ENTPD4: variants seen among roughly 807,000 people sequenced by gnomAD.
ENTPD4 encodes Golgi UDPase.
In ENTPD4, 60 loss-of-function variants were observed where a neutral mutation model predicts 79.1. The observed-to-expected ratio is 0.76, with a 90% CI of 0.62 to 0.94. The LOEUF is 0.94. ENTPD4 is among the 40% of genes least tolerant of loss of function. The pLI is 0.00. For synonymous variants in ENTPD4, 276 were observed against 292.0 expected (o/e 0.95, Z 0.56); for missense variants, 772 against 775.1 (o/e 1.00, Z 0.05).
intron 8 of ENTPD4, among the ~76,000 whole-genome samples, chr8:23,440,306 A>G (rs1053493977): frequency 6.6e-6 from 1 of 152,228 alleles, no homozygotes; most frequent in Non-Finnish European, 1.5e-5. Context: ...AGGGAAGGTT[A>G]GTTACAGTAA....
chr8:23,451,257 T>A (rs1452877549), intron 1 of ENTPD4, among the ~76,000 whole-genome samples: 2 of 152,086 alleles, frequency 1.3e-5, no homozygotes, highest in Non-Finnish European at 2.9e-5. Context: ...CCTGACCCGG[T>A]GATCTGCCGG....
rs916145931 is a variant in ENTPD4 at position 23,430,088 on chromosome 8, G to T, written c.*2838C>A. Reference sequence around the variant, plus strand: ...ACAGAATTTACTGCCTTCTTGGTCAGCTCTTGGTATGAATTCTTCTCTTGA... The same window carrying T: ...ACAGAATTTACTGCCTTCTTGGTCATCTCTTGGTATGAATTCTTCTCTTGA... On this transcript the variant is annotated 3_prime_UTR_variant, in exon 13 of 13. Coordinates refer to ENST00000358689, the MANE Select transcript of ENTPD4 (RefSeq NM_004901.5). 3 of 985,322 alleles carry T rather than the reference G, an allele frequency of 3.0e-6. No individual in the cohort carries two copies. In the African/African-American group the frequency reaches 5.2e-5, roughly 17 times the overall value. 61.0% of individuals were successfully genotyped at this position (985,322 alleles called of 1,614,324 possible).
At chr8:23,451,088 A>C (rs1800852878) in intron 1 of ENTPD4, among the ~76,000 whole-genome samples, 1 of 150,440 alleles carries the variant, frequency 6.6e-6, no homozygotes, top group Non-Finnish European at 1.5e-5. Context: ...GCAATGGCAC[A>C]ATCTCAGCTC....
rs1036423131 is a variant in ENTPD4 at position 23,431,060 on chromosome 8, T to C, written c.*1866A>G. 1.2e-5 allele frequency: 10 copies of C among 832,822 alleles called. No homozygotes were observed. The highest frequency in any genetic ancestry group is 1.4e-5 in the Non-Finnish European group (10 of 690,946). The allele number at this position is 832,822 out of a possible 1,614,324, so 51.6% of individuals were successfully genotyped here. On this transcript the variant is annotated 3_prime_UTR_variant, in exon 13 of 13. Coordinates refer to ENST00000358689, the MANE Select transcript of ENTPD4 (RefSeq NM_004901.5). ...GCCCCCACAGCTCTTGCCTCAAGGA[T>C]CAGATGCATTTTACCTTCCAGAGAC... is the stretch of plus-strand genomic sequence containing the variant.
In ENTPD4 at chr8:23,442,004, T is replaced by C. The variant is rs770533550; in HGVS notation, c.727+3A>G. The C allele has an allele frequency of 1.1e-5, 17 of 1,611,496 alleles. No individual in the cohort carries two copies. The highest frequency in any genetic ancestry group is 8.5e-7 in the Non-Finnish European group (1 of 1,177,708). On this transcript the variant is annotated splice_donor_region_variant and intron_variant, in intron 7 of 12. Coordinates refer to ENST00000358689, the MANE Select transcript of ENTPD4 (RefSeq NM_004901.5). ...ATACATTTGTTGGAACCATGACACT[T>C]ACCATCTTCAATATGCTCAAATCGT...
rs1196697920 is a variant in ENTPD4 at position 23,431,179 on chromosome 8, T to C, written c.*1747A>G. ...GATCCCTCAGCAGAACTGCCCCTAA[T>C]GCTCAGTTCATGGCAATACAGGCCT... On this transcript the variant is annotated 3_prime_UTR_variant, in exon 13 of 13. Coordinates refer to ENST00000358689, the MANE Select transcript of ENTPD4 (RefSeq NM_004901.5). The C allele has an allele frequency of 2.8e-6, 1 of 360,198 alleles. No homozygotes were observed. Among genetic ancestry groups the C allele is most frequent in the Non-Finnish European group, 3.9e-6 (1 of 258,910 alleles). 22.3% of individuals were successfully genotyped at this position (360,198 alleles called of 1,614,324 possible). A position where few individuals can be genotyped will look rare whatever the true frequency, so the allele number is the denominator to read the frequency against.
chr8:23,430,706 A>G lies in ENTPD4; in HGVS notation c.*2220T>C, dbSNP rs1800438573. 2.0e-6 allele frequency: 2 copies of G among 985,366 alleles called. No homozygotes were observed. Among genetic ancestry groups the G allele is most frequent in the South Asian group, 9.4e-5 (2 of 21,292 alleles). 61.0% of individuals were successfully genotyped at this position (985,366 alleles called of 1,614,324 possible). Reference sequence around the variant, plus strand: ...GTATGTGACTAACTCTTCTATGCCCAGAGCTGGAAGGCGGGGTCCCCTAAC... The same window carrying G: ...GTATGTGACTAACTCTTCTATGCCCGGAGCTGGAAGGCGGGGTCCCCTAAC... On this transcript the variant is annotated 3_prime_UTR_variant, in exon 13 of 13. Coordinates refer to ENST00000358689, the MANE Select transcript of ENTPD4 (RefSeq NM_004901.5).
chr8:23,440,932 T>C (rs1800657256), intron 8 of ENTPD4, among the ~76,000 whole-genome samples: 1 of 152,258 alleles, frequency 6.6e-6, no homozygotes, highest in South Asian at 2.1e-4. Flanking sequence ...GGCCACGCTA[T>C]GCTGCCGCCC....
Position 23,434,437 on chromosome 8 carries a change from T to G in ENTPD4, c.1502A>C (p.His501Pro). The G allele has an allele frequency of 6.2e-7, 1 of 1,614,118 alleles. No homozygotes were observed. The highest frequency in any genetic ancestry group is 8.5e-7 in the Non-Finnish European group (1 of 1,180,018). Reference protein sequence around the residue: ...FKSAWMFEVFHRGFSFPVNYK... With the variant: ...FKSAWMFEVFPRGFSFPVNYK... ...GTTGACAGGAAACGAAAAGCCCCTATGAAACACCTCAAACATCCAGGCCGA... is the reference window on the plus strand; with the variant it reads ...GTTGACAGGAAACGAAAAGCCCCTAGGAAACACCTCAAACATCCAGGCCGA... Residue 501 changes from histidine (H) to proline (P), a missense_variant, in exon 12 of 13, where the codon CAT becomes CCT. Coordinates refer to ENST00000358689, the MANE Select transcript of ENTPD4 (RefSeq NM_004901.5).
At chr8:23,434,601 G>T in intron 11 of ENTPD4, 123 bp from the exon 12 acceptor site, 1 of 1,499,004 alleles carries the variant, frequency 6.7e-7, no homozygotes. Flanking sequence ...CCTCAGGCCG[G>T]CTCTCCCAAA....
At chr8:23,433,437 T>G (rs1032085839) in intron 12 of ENTPD4, among the ~76,000 whole-genome samples, 12 of 152,194 alleles carry the variant, frequency 7.9e-5, no homozygotes, top group Admixed American at 5.2e-4. Flanking sequence ...GAAGTCAACA[T>G]GTAAACAAAC....
intron 2 of ENTPD4, 84 bp from the exon 3 acceptor site, chr8:23,449,023 T>C (rs1351042608): frequency 6.1e-6 from 7 of 1,145,190 alleles, no homozygotes; most frequent in African/African-American, 1.5e-5. Context: ...ATAAGATATT[T>C]GGCTTGAGCT....
chr8:23,429,275 T>A lies in ENTPD4; in HGVS notation c.*3651A>T. ...AAAGGACCTTCCGAGAGTATTATTC[T>A]TACTTTGGATGGAAGACATCGCTTA... On this transcript the variant is annotated 3_prime_UTR_variant, in exon 13 of 13. Coordinates refer to ENST00000358689, the MANE Select transcript of ENTPD4 (RefSeq NM_004901.5). 1 of 985,460 alleles carries A rather than the reference T, an allele frequency of 1.0e-6. No homozygotes were observed. Among genetic ancestry groups the A allele is most frequent in the Non-Finnish European group, 1.2e-6 (1 of 829,940 alleles). 61.0% of individuals were successfully genotyped at this position (985,460 alleles called of 1,614,324 possible). A position where few individuals can be genotyped will look rare whatever the true frequency, so the allele number is the denominator to read the frequency against.
rs777325275 is a variant in ENTPD4 at position 23,437,251 on chromosome 8, C to A, written c.1057G>T (p.Gly353Cys). 1 of 1,582,660 alleles carries A rather than the reference C, an allele frequency of 6.3e-7. No individual in the cohort carries two copies. The highest frequency in any genetic ancestry group is 8.6e-7 in the Non-Finnish European group (1 of 1,166,140). ...TCAGGAGTCAGACCAGTCTGTTTAC[C>A]CAGGAGCCTATGGCAAAACAAGAAA... Reference protein sequence around the residue: ...ANTIQKNRLLGKQTGLTPDMP... With the variant: ...ANTIQKNRLLCKQTGLTPDMP... Residue 353 changes from glycine (G) to cysteine (C), a missense_variant, in exon 10 of 13, where the codon GGT (glycine) becomes TGT (cysteine). Gly to Cys is a radical substitution (Grantham distance 159). Transcript: ENST00000358689.
Position 23,439,932 on chromosome 8 carries a change from A to T in ENTPD4, c.883-17T>A, listed in dbSNP as rs1320941040. The stretch of plus-strand genomic sequence containing the variant: ...TACTTCTTCCTGCAGACATAAGCAT[A>T]ACAAACCTTAATAGCTTAAGCTACT... On this transcript the variant is annotated splice_polypyrimidine_tract_variant and intron_variant, in intron 8 of 12. Coordinates refer to ENST00000358689, the MANE Select transcript of ENTPD4 (RefSeq NM_004901.5). 5.0e-6 allele frequency: 8 copies of T among 1,611,008 alleles called. No homozygotes were observed. The highest frequency in any genetic ancestry group is 1.3e-5 in the African/African-American group (1 of 74,852).
intron 10 of ENTPD4, among the ~76,000 whole-genome samples, chr8:23,436,400 G>C (rs1800561212): frequency 6.6e-6 from 1 of 152,164 alleles, no homozygotes; most frequent in South Asian, 2.1e-4. Flanking sequence ...AATGGAGAGA[G>C]GATGGTGGGT....
At chr8:23,444,656 A>G in intron 4 of ENTPD4, 50 bp from the exon 5 acceptor site, 1 of 1,541,798 alleles carries the variant, frequency 6.5e-7, no homozygotes, top group South Asian at 1.1e-5. Flanking sequence ...TAGCTATAAC[A>G]TGTGATGTTT....
rs1315252616 is a variant in ENTPD4, at chr8:23,449,976, T to C, written c.-76A>G. ...AACAATTATAGAAATAATGCTGGGG[T>C]CCTCACGGAGTTAGAGCCCTCCTGT... On this transcript the variant is annotated 5_prime_UTR_variant, in exon 2 of 13. Coordinates refer to ENST00000358689, the MANE Select transcript of ENTPD4 (RefSeq NM_004901.5). The C allele has an allele frequency of 1.1e-5, 18 of 1,602,122 alleles. No individual in the cohort carries two copies. In the Middle Eastern group the frequency reaches 8.3e-4, roughly 74 times the overall value.
At chr8:23,436,165 G>A (rs756827932) in intron 10 of ENTPD4, among the ~76,000 whole-genome samples, 5 of 152,214 alleles carry the variant, frequency 3.3e-5, no homozygotes, top group Non-Finnish European at 5.9e-5. Context: ...CGCGGAGAGC[G>A]TGAGGGAAGC....
Sources: gnomAD v4.1 joint callset for allele counts (sites outside exome capture counted in the v4.1 genomes callset) on GRCh38, gnomAD v4.1.1 for gene constraint, MANE v1.5 for transcripts, NCBI Gene and HGNC (gene_info 2026-07-23, HGNC 2026-07-21) for gene names.